PLS1: variants seen among roughly 807,000 people sequenced by gnomAD.
PLS1 encodes plastin-1.
In PLS1, 32 loss-of-function variants were observed where a neutral mutation model predicts 73.7. The ratio of observed to expected loss-of-function variants is 0.43; its 90% confidence interval spans 0.33 to 0.58. The LOEUF is 0.58. Among genes scored for constraint, PLS1 ranks in the 20% least tolerant of loss-of-function variants. PLS1 has a pLI of 0.04. For synonymous variants in PLS1, 217 were observed against 261.3 expected (o/e 0.83, Z 1.63); for missense variants, 633 against 740.5 (o/e 0.85, Z 1.68).
chr3:142,700,910 G>A (rs979571694), intron 12 of PLS1, among the ~76,000 whole-genome samples: 2 of 152,154 alleles, frequency 1.3e-5, no homozygotes, highest in African/African-American at 4.8e-5. Context: ...GGTTTTATCA[G>A]GGGTTTCCGC....
At chr3:142,629,142 A>G (rs1396097196) in intron 1 of PLS1, among the ~76,000 whole-genome samples, 2 of 152,202 alleles carry the variant, frequency 1.3e-5, no homozygotes, top group African/African-American at 2.4e-5. Context: ...TGATTTTATA[A>G]GTAAAAATAG....
intron 1 of PLS1, among the ~76,000 whole-genome samples, chr3:142,616,735 TG>T (rs1256034367): frequency 1.3e-5 from 2 of 152,094 alleles, no homozygotes; most frequent in Non-Finnish European, 2.9e-5. Flanking sequence ...CCCAAGTAGC[TG>T]GGATTACAGG....
chr3:142,698,949 T>TA (rs1370531621), intron 12 of PLS1, among the ~76,000 whole-genome samples: 1 of 152,172 alleles, frequency 6.6e-6, no homozygotes, highest in East Asian at 1.9e-4. Context: ...ATAAAATTGA[T>TA]ACACCCATAA....
At chr3:142,664,370 G>T in intron 2 of PLS1, 63 bp downstream of exon 2, 1 of 814,564 alleles carries the variant, frequency 1.2e-6, no homozygotes, top group Non-Finnish European at 2.0e-6. Context: ...TTCAGGAATG[G>T]AAAAATACCT....
chr3:142,705,827 C>T (rs1457236067), intron 14 of PLS1, among the ~76,000 whole-genome samples: 1 of 152,150 alleles, frequency 6.6e-6, no homozygotes, highest in Non-Finnish European at 1.5e-5. Flanking sequence ...TTGGCAGAGA[C>T]GTTGCCTGAG....
At chr3:142,601,632 C>T (rs1473981425) in intron 1 of PLS1, among the ~76,000 whole-genome samples, 1 of 152,090 alleles carries the variant, frequency 6.6e-6, no homozygotes, top group Non-Finnish European at 1.5e-5. Flanking sequence ...TGGGCTCAAG[C>T]AGTCCTCCCG....
intron 13 of PLS1, 38 bp downstream of exon 13, chr3:142,704,039 C>T: frequency 6.3e-7 from 1 of 1,588,418 alleles, no homozygotes; most frequent in Non-Finnish European, 8.6e-7. Context: ...CTGCCTGTTT[C>T]CTCCAACAAG....
intron 1 of PLS1, among the ~76,000 whole-genome samples, chr3:142,641,045 C>T (rs1050715725): frequency 6.6e-6 from 1 of 151,238 alleles, no homozygotes; most frequent in African/African-American, 2.4e-5. Flanking sequence ...GCCTGTAGTC[C>T]TAGCTTTGAG....
At position 142,702,404 on chromosome 3, in the gene PLS1, T is replaced by A. The variant is rs947674864; in HGVS notation, c.1372-1464T>A. On this transcript the variant is annotated intron_variant, in intron 12 of 15. Transcript: ENST00000457734. ...TATATTTGTACAAATTCTTTTATTGTATTAGCTGTCTCACATTTCCTGCAA... is the reference window on the plus strand; with the variant it reads ...TATATTTGTACAAATTCTTTTATTGAATTAGCTGTCTCACATTTCCTGCAA... Among the ~76,000 whole-genome samples, 6 of 152,224 alleles carry A rather than the reference T, an allele frequency of 3.9e-5. No individual in the cohort carries two copies. The East Asian group carries it at 1.2e-3, about 29-fold the overall frequency.
intron 11 of PLS1, among the ~76,000 whole-genome samples, chr3:142,696,911 T>G (rs1158747467): frequency 6.6e-6 from 1 of 152,028 alleles, no homozygotes; most frequent in East Asian, 1.9e-4. Context: ...CAGATCTTAA[T>G]TACCTTCATA....
intron 1 of PLS1, among the ~76,000 whole-genome samples, chr3:142,619,038 A>G (rs1378485915): frequency 6.6e-6 from 1 of 152,232 alleles, no homozygotes; most frequent in Non-Finnish European, 1.5e-5. Context: ...CGCTACCAGC[A>G]GGGCTCCAAG....
chr3:142,671,019 T>A lies in PLS1; in HGVS notation c.261T>A (p.Asp87Glu). 6.2e-7 allele frequency: 1 copy of A among 1,600,374 alleles called. No homozygotes were observed. The highest frequency in any genetic ancestry group is 8.6e-7 in the Non-Finnish European group (1 of 1,169,082). ...TAATGCAAGAATTAAAAAGCAAAGA[T>A]ATCAGCAAAACATTCCGAAAAATAA... ...VSLMQELKSKDISKTFRKIIN... is the reference protein window; with the variant it reads ...VSLMQELKSKEISKTFRKIIN... The change falls in exon 4 of 16, where the codon GAT becomes GAA. Residue 87 changes from aspartate (D) to glutamate (E), a missense_variant. Transcript: ENST00000457734.
chr3:142,709,262 A>G (rs1465658066), intron 14 of PLS1, among the ~76,000 whole-genome samples: 4 of 152,190 alleles, frequency 2.6e-5, no homozygotes, highest in Non-Finnish European at 5.9e-5. Context: ...CTTTTAACAA[A>G]TACCCCACAT....
intron 2 of PLS1, among the ~76,000 whole-genome samples, chr3:142,666,599 A>C (rs978227012): frequency 6.6e-6 from 1 of 152,208 alleles, no homozygotes; most frequent in African/African-American, 2.4e-5. Context: ...GAATAATGCT[A>C]TGAACATGGG....
At position 142,686,463 on chromosome 3, in the gene PLS1, C is replaced by G. The variant is rs2037968343; in HGVS notation, c.981+87C>G. 3.8e-6 allele frequency: 3 copies of G among 782,016 alleles called. No individual in the cohort carries two copies. The African/African-American group carries it at 5.1e-5, about 13-fold the overall frequency. The allele number at this position is 782,016 out of a possible 1,614,324, so 48.4% of individuals were successfully genotyped here. ...TTTTTATCATTTTCAGTGTTCAGTT[C>G]AGTGGCATTCAGTACATTTGCATTG... is the stretch of plus-strand genomic sequence containing the variant. On this transcript the variant is annotated intron_variant, in intron 9 of 15. Transcript: ENST00000457734.
chr3:142,605,956 C>T (rs1165543695), intron 1 of PLS1, among the ~76,000 whole-genome samples: 1 of 152,118 alleles, frequency 6.6e-6, no homozygotes, highest in Non-Finnish European at 1.5e-5. Flanking sequence ...ATATATTGTT[C>T]TGTGGGAGAC....
chr3:142,696,014 G>A (rs747420307), intron 11 of PLS1, among the ~76,000 whole-genome samples: 25 of 152,076 alleles, frequency 1.6e-4, no homozygotes, highest in Non-Finnish European at 3.2e-4. Flanking sequence ...GGCTGGACGC[G>A]AACTCCTGAC....
intron 1 of PLS1, among the ~76,000 whole-genome samples, chr3:142,616,122 A>T (rs942080462): frequency 1.3e-5 from 2 of 152,208 alleles, no homozygotes; most frequent in African/African-American, 4.8e-5. Flanking sequence ...AGTGAGAAAG[A>T]AGTGCAAAGA....
In PLS1 at chr3:142,622,329, A is replaced by G. The variant is rs539450632; in HGVS notation, c.-37+25820A>G. 1.6e-3 allele frequency among the ~76,000 whole-genome samples: 246 copies of G among 152,350 alleles called. 1 individual carries two copies. Among genetic ancestry groups the G allele is most frequent in the African/African-American group, 4.7e-3 (194 of 41,582 alleles). On this transcript the variant is annotated intron_variant, in intron 1 of 15. Transcript: ENST00000457734. ...GCCGGCAGTGTTTTGACAGGTATAT[A>G]CATCCACAAAATCACCACCACAATC...
Sources: allele counts gnomAD v4.1 joint callset (sites outside exome capture counted in the v4.1 genomes callset), GRCh38; gene constraint gnomAD v4.1.1; transcripts MANE v1.5; gene names NCBI Gene and HGNC (gene_info 2026-07-23, HGNC 2026-07-21).